COL28A1: variants seen among roughly 807,000 people sequenced by gnomAD.
The protein encoded by COL28A1 is collagen alpha-1(XXVIII) chain.
COL28A1 carries 161 observed loss-of-function variants against 150.2 expected under a neutral mutation model. That is an observed-to-expected ratio of 1.07 (90% CI 0.94 to 1.22). The LOEUF (loss-of-function observed/expected upper bound fraction) is 1.22. COL28A1 is among the 50% of genes most tolerant of loss of function. COL28A1 has a pLI of 0.00. For synonymous variants in COL28A1, 552 were observed against 469.7 expected (o/e 1.18, Z -2.26); for missense variants, 1,617 against 1,388.3 (o/e 1.16, Z -2.62).
chr7:7,515,045 T>G (rs937985414), intron 8 of COL28A1, among the ~76,000 whole-genome samples: 2 of 152,140 alleles, frequency 1.3e-5, no homozygotes, highest in South Asian at 4.1e-4. Context: ...CAGAGGAGAC[T>G]CAGAGCTGGA....
chr7:7,373,421 C>T lies in COL28A1; in HGVS notation c.2485G>A (p.Ala829Thr). 6.8e-6 allele frequency: 11 copies of T among 1,614,144 alleles called. No individual in the cohort carries two copies. The highest frequency in any genetic ancestry group is 8.5e-6 in the Non-Finnish European group (10 of 1,180,034). The change falls in exon 32 of 35, where the codon GCT (alanine) becomes ACT (threonine). Residue 829 changes from alanine (A) to threonine (T), a missense_variant. By Grantham distance (58) the Ala-to-Thr change is moderately conservative. Transcript: ENST00000399429. The surrounding 1 kb of genome is among the most constrained non-coding windows in gnomAD (Gnocchi z 4.1). ...NFVKTMADRV[A>T]LDLATARIGI... ...ATGCGGGCCGTGGCAAGGTCCAGAG[C>T]AACCCGGTCAGCCATAGTCTTCACA...
intron 3 of COL28A1, among the ~76,000 whole-genome samples, chr7:7,529,019 G>A (rs1278396901): frequency 2.0e-5 from 3 of 152,018 alleles, no homozygotes; most frequent in South Asian, 4.2e-4. Flanking sequence ...GTCAAGTTCT[G>A]GGCCCGGCGC....
chr7:7,543,405 A>T, the COL28A1 span, among the ~76,000 whole-genome samples: 1 of 152,232 alleles, frequency 6.6e-6, no homozygotes, highest in African/African-American at 2.4e-5. Flanking sequence ...TTCTTATTCA[A>T]CTGTTACAGA....
the COL28A1 span, among the ~76,000 whole-genome samples, chr7:7,344,081 T>C: frequency 6.6e-6 from 1 of 152,108 alleles, no homozygotes; most frequent in Non-Finnish European, 1.5e-5. Flanking sequence ...TTACATTACA[T>C]ATAGTTTAGT....
chr7:7,443,826 T>A, intron 19 of COL28A1, among the ~76,000 whole-genome samples, 173 bp from the exon 20 acceptor site: 1 of 152,148 alleles, frequency 6.6e-6, no homozygotes, highest in Admixed American at 6.5e-5. Context: ...TGAAATAAAG[T>A]AACATCAAAC....
In COL28A1 at chr7:7,531,919, A is replaced by AC. The variant is rs1210411032; in HGVS notation, c.125-16dup. ...ACAAATGGAGCCTGAAACAGAATAA[A>AC]CAGGTTAGGCAAAATAATTATTCCT... On this transcript the variant is annotated splice_polypyrimidine_tract_variant and intron_variant, in intron 2 of 34. Coordinates refer to ENST00000399429, the MANE Select transcript of COL28A1 (RefSeq NM_001037763.3). The AC allele has an allele frequency of 6.6e-7, 1 of 1,522,872 alleles. No homozygotes were observed. Among genetic ancestry groups the AC allele is most frequent in the African/African-American group, 1.4e-5 (1 of 72,438 alleles). The allele number at this position is 1,522,872 out of a possible 1,614,324, so 94.3% of individuals were successfully genotyped here.
At chr7:7,491,323 A>C (rs1779902306) in intron 11 of COL28A1, among the ~76,000 whole-genome samples, 1 of 152,206 alleles carries the variant, frequency 6.6e-6, no homozygotes. Context: ...TACTGGATGC[A>C]AAGGAGAAAA....
chr7:7,412,479 A>C (rs756853189), intron 27 of COL28A1, among the ~76,000 whole-genome samples: 1 of 152,148 alleles, frequency 6.6e-6, no homozygotes, highest in Admixed American at 6.5e-5. Context: ...CTTGAGTATT[A>C]GAATTCTAGG....
At chr7:7,460,935 T>C (rs1787565706) in intron 15 of COL28A1, among the ~76,000 whole-genome samples, 1 of 152,034 alleles carries the variant, frequency 6.6e-6, no homozygotes, top group Non-Finnish European at 1.5e-5. Flanking sequence ...CCCACTCGGA[T>C]GGAAAGAACA....
At chr7:7,543,567 G>A in the COL28A1 span, among the ~76,000 whole-genome samples, 1 of 152,072 alleles carries the variant, frequency 6.6e-6, no homozygotes, top group Non-Finnish European at 1.5e-5. Context: ...AATTACTAAT[G>A]TGACATCACT....
At chr7:7,396,248 G>C (rs899857332) in intron 27 of COL28A1, among the ~76,000 whole-genome samples, 9 of 152,070 alleles carry the variant, frequency 5.9e-5, no homozygotes, top group African/African-American at 2.2e-4. Flanking sequence ...ACTGTAACCA[G>C]CAACTGCCAT....
At chr7:7,360,791 C>T (rs180930136) in intron 33 of COL28A1, among the ~76,000 whole-genome samples, 8 of 152,270 alleles carry the variant, frequency 5.3e-5, no homozygotes, top group Middle Eastern at 3.4e-3. Context: ...CACACACACA[C>T]GCAGCCCACC....
At chr7:7,353,617 G>A (rs1780278383), downstream of COL28A1, among the ~76,000 whole-genome samples, 1 of 152,118 alleles carries the variant, frequency 6.6e-6, no homozygotes, top group Admixed American at 6.6e-5. Flanking sequence ...AGAGATGAGA[G>A]GGTACCACAA....
At chr7:7,364,683 G>A (rs73674503) in intron 33 of COL28A1, among the ~76,000 whole-genome samples, 8,155 of 151,974 alleles carry the variant, frequency 0.054, 746 homozygotes, top group African/African-American at 0.19. Context: ...TAATTTACAA[G>A]GCCTTACCTA....
At chr7:7,534,210 G>A (rs1192452830) in intron 1 of COL28A1, among the ~76,000 whole-genome samples, 3 of 152,150 alleles carry the variant, frequency 2.0e-5, no homozygotes, top group Non-Finnish European at 2.9e-5. Flanking sequence ...GGATAGGTAT[G>A]ACCAAACATC....
intron 27 of COL28A1, among the ~76,000 whole-genome samples, chr7:7,398,607 G>T (rs1330971220): frequency 1.3e-5 from 2 of 152,154 alleles, no homozygotes; most frequent in Non-Finnish European, 2.9e-5. Context: ...GCTTTGAGGG[G>T]CTTTTCCAGT....
At chr7:7,423,632 A>C (rs1021305275) in intron 25 of COL28A1, among the ~76,000 whole-genome samples, 2 of 152,130 alleles carry the variant, frequency 1.3e-5, no homozygotes, top group Non-Finnish European at 2.9e-5. Context: ...TTAAGAAAAA[A>C]TTTGACACTG....
At chr7:7,499,925 A>T (rs545856981) in intron 11 of COL28A1, among the ~76,000 whole-genome samples, 5 of 152,362 alleles carry the variant, frequency 3.3e-5, no homozygotes, top group African/African-American at 1.2e-4. Flanking sequence ...GGCATAGAAA[A>T]TGTAAGACTC....
At chr7:7,389,500 G>C (rs1383673351) in intron 27 of COL28A1, among the ~76,000 whole-genome samples, 1 of 152,116 alleles carries the variant, frequency 6.6e-6, no homozygotes, top group Non-Finnish European at 1.5e-5. Context: ...GATTCCATAA[G>C]ATATTTAAAG....
Sources: gnomAD v4.1 joint callset for allele counts (sites outside exome capture counted in the v4.1 genomes callset) on GRCh38, gnomAD v4.1.1 for gene constraint, Gnocchi (gnomAD v3.1) non-coding constraint, MANE v1.5 for transcripts, NCBI Gene and HGNC (gene_info 2026-07-23, HGNC 2026-07-21) for gene names.